The following IRF2 variants were observed in gnomAD, a reference collection of about 807,000 sequenced individuals.
IRF2 encodes the protein interferon regulatory factor 2.
Under a neutral mutation model 40.6 loss-of-function variants are expected in IRF2, and 15 were observed. The ratio of observed to expected loss-of-function variants is 0.37; its 90% CI spans 0.25 to 0.57. IRF2 has a LOEUF of 0.57. Ranked by LOEUF, IRF2 falls within the 20% of genes least tolerant of loss-of-function variation. The pLI is 0.77. For missense variants in IRF2, 317 were observed against 455.7 expected, an observed-to-expected ratio of 0.70 and a Z score of 2.77; for synonymous variants, 151 against 165.5, an observed-to-expected ratio of 0.91 and a Z score of 0.67.
chr4:184,422,721 C>T (rs529299168), intron 2 of IRF2, among the ~76,000 whole-genome samples: 1 of 151,998 alleles, frequency 6.6e-6, no homozygotes, highest in African/African-American at 2.4e-5. Flanking sequence ...TGAAATATTC[C>T]AGAAAAGACA....
At chr4:184,467,525 A>AAT (rs1167483039) in intron 1 of IRF2, among the ~76,000 whole-genome samples, 2 of 152,228 alleles carry the variant, frequency 1.3e-5, no homozygotes, top group East Asian at 3.8e-4. Flanking sequence ...TTCTTTCAAA[A>AAT]ATAACATGGT....
intron 7 of IRF2, among the ~76,000 whole-genome samples, chr4:184,397,635 C>T (rs1005931365): frequency 5.9e-5 from 9 of 152,192 alleles, no homozygotes; most frequent in Middle Eastern, 3.4e-3. Context: ...CAACGCTGGT[C>T]GGAGCCAGTG....
intron 1 of IRF2, among the ~76,000 whole-genome samples, chr4:184,462,074 C>T (rs1014547820): frequency 4.9e-4 from 75 of 152,178 alleles, no homozygotes; most frequent in African/African-American, 1.7e-3. Flanking sequence ...TCCCAGCATC[C>T]TAAGAAAGAG....
chr4:184,454,124 C>G (rs145196147), intron 1 of IRF2, among the ~76,000 whole-genome samples: 1 of 152,164 alleles, frequency 6.6e-6, no homozygotes, highest in Non-Finnish European at 1.5e-5. Context: ...ACTATCTTTT[C>G]CCCTGGATGA....
intron 1 of IRF2, among the ~76,000 whole-genome samples, chr4:184,460,641 G>GCA (rs767144163): frequency 0.017 from 2,470 of 142,364 alleles, 57 homozygotes; most frequent in African/African-American, 0.044. Flanking sequence ...ACGCATGCAC[G>GCA]CACACACACA....
intron 6 of IRF2, among the ~76,000 whole-genome samples, chr4:184,406,354 T>C (rs1171041687): frequency 6.6e-6 from 1 of 151,696 alleles, no homozygotes; most frequent in Admixed American, 6.6e-5. Flanking sequence ...CTCAGCCTCC[T>C]GAGTAGCTGG....
intron 7 of IRF2, among the ~76,000 whole-genome samples, chr4:184,395,821 C>T (rs1303453912): frequency 6.6e-6 from 1 of 152,260 alleles, no homozygotes; most frequent in Non-Finnish European, 1.5e-5. Context: ...CACTGAAATC[C>T]TTCCTTTCAA....
At position 184,436,281 on chromosome 4, in the gene IRF2, C is replaced by T. The variant is rs141190819; in HGVS notation, c.-6-7211G>A. Reference sequence around the variant, plus strand: ...TGAGCCACTGCGCCCGGCCATGGAACGCCTTTTCTTATTACCCAGTCACCC... The same window carrying T: ...TGAGCCACTGCGCCCGGCCATGGAATGCCTTTTCTTATTACCCAGTCACCC... On this transcript the variant is annotated intron_variant, in intron 1 of 8. Coordinates refer to ENST00000393593, the MANE Select transcript of IRF2 (RefSeq NM_002199.4). Among the ~76,000 whole-genome samples the T allele has an allele frequency of 5.3e-3, 803 of 152,238 alleles. 9 individuals are homozygous for T. Among genetic ancestry groups the T allele is most frequent in the African/African-American group, 0.015 (632 of 41,534 alleles).
At chr4:184,451,934 C>A (rs1379611457) in intron 1 of IRF2, among the ~76,000 whole-genome samples, 2 of 152,238 alleles carry the variant, frequency 1.3e-5, no homozygotes, top group Admixed American at 1.3e-4. Flanking sequence ...CTGTCTGGGA[C>A]TCTTCCTAAA....
chr4:184,427,128 G>C (rs1579845424), intron 2 of IRF2, among the ~76,000 whole-genome samples: 1 of 152,274 alleles, frequency 6.6e-6, no homozygotes, highest in East Asian at 1.9e-4. Context: ...CCTGCTAACT[G>C]AGCTGACCAA....
chr4:184,454,693 A>C (rs898999249), intron 1 of IRF2, among the ~76,000 whole-genome samples: 12 of 152,174 alleles, frequency 7.9e-5, no homozygotes, highest in African/African-American at 2.9e-4. Flanking sequence ...TTGTTAAAGC[A>C]TAATATGGTA....
At chr4:184,431,873 A>C (rs968809494) in intron 1 of IRF2, 4 of 152,170 alleles carry the variant, frequency 2.6e-5, no homozygotes, top group Non-Finnish European at 5.9e-5. Flanking sequence ...GAAAAAAAAA[A>C]AAAAACAATG....
intron 1 of IRF2, among the ~76,000 whole-genome samples, chr4:184,466,560 C>A (rs556446063): frequency 1.2e-4 from 18 of 152,056 alleles, no homozygotes; most frequent in Non-Finnish European, 2.2e-4. Flanking sequence ...AAAACAGTAC[C>A]AAGGAAGATC....
At chr4:184,452,289 C>T (rs1390933474) in intron 1 of IRF2, among the ~76,000 whole-genome samples, 1 of 152,202 alleles carries the variant, frequency 6.6e-6, no homozygotes, top group Non-Finnish European at 1.5e-5. Flanking sequence ...TACCGCTGCA[C>T]AAAGAATGCG....
chr4:184,445,840 C>T (rs1277776109), intron 1 of IRF2, among the ~76,000 whole-genome samples: 1 of 152,126 alleles, frequency 6.6e-6, no homozygotes, highest in African/African-American at 2.4e-5. Flanking sequence ...CCCCAACATT[C>T]GTGTCCACCT....
chr4:184,390,873 C>T (rs66641943), intron 7 of IRF2, 124 bp from the exon 8 acceptor site: 265,818 of 908,196 alleles, frequency 0.29, 41,751 homozygotes, highest in South Asian at 0.41. Context: ...CTTTGTAAAG[C>T]GAAACATTCT....
chr4:184,415,293 C>T (rs947617620), intron 5 of IRF2, among the ~76,000 whole-genome samples: 6 of 152,212 alleles, frequency 3.9e-5, no homozygotes, highest in East Asian at 1.9e-4. Context: ...CATATCTTCA[C>T]GGCACAAGGA....
At chr4:184,395,384 G>C (rs1471285241) in intron 7 of IRF2, among the ~76,000 whole-genome samples, 2 of 129,922 alleles carry the variant, frequency 1.5e-5, no homozygotes, top group Non-Finnish European at 3.1e-5. Flanking sequence ...CTGCACTCCA[G>C]CCTGGGCGAC....
chr4:184,415,200 A>T (rs113091658), intron 5 of IRF2, among the ~76,000 whole-genome samples: 3 of 152,238 alleles, frequency 2.0e-5, no homozygotes, highest in Non-Finnish European at 4.4e-5. Context: ...ATTCAAAAGT[A>T]AGGCTGTGTT....
Sources: gnomAD v4.1 joint callset for allele counts (sites outside exome capture counted in the v4.1 genomes callset) on GRCh38, gnomAD v4.1.1 for gene constraint, MANE v1.5 for transcripts, NCBI Gene and HGNC (gene_info 2026-07-23, HGNC 2026-07-21) for gene names.